The following INPP5B variants were observed in gnomAD, a reference collection of about 807,000 sequenced individuals.
INPP5B encodes the protein inositol polyphosphate-5-phosphatase B.
A neutral mutation model predicts 118.5 loss-of-function variants in INPP5B; 90 were observed. That is an observed-to-expected ratio of 0.76 (90% CI 0.64 to 0.90). The LOEUF (loss-of-function observed/expected upper bound fraction) is 0.90, where lower values mean the gene tolerates loss of function less well. Ranked by LOEUF, INPP5B falls within the 40% of genes least tolerant of loss-of-function variation. The pLI is 0.00. For synonymous variants in INPP5B, 385 were observed against 418.9 expected, an observed-to-expected ratio of 0.92 and a Z score of 0.99; for missense variants, 984 against 1,125.6, an observed-to-expected ratio of 0.87 and a Z score of 1.80.
intron 11 of INPP5B, 77 bp downstream of exon 11, chr1:37,887,274 T>C (rs1643598934): frequency 2.1e-6 from 2 of 948,678 alleles, no homozygotes. Context: ...ATAAAGGTCA[T>C]GGAAAAGGTG....
chr1:37,898,381 CCA>C (rs531867392), intron 7 of INPP5B, among the ~76,000 whole-genome samples: 90 of 152,178 alleles, frequency 5.9e-4, no homozygotes, highest in African/African-American at 2.0e-3. Context: ...CTTTCAAAAC[CCA>C]CAGATTTTTA....
chr1:37,878,187 C>A lies in INPP5B; in HGVS notation c.1677+1G>T. 1 of 1,613,946 alleles carries A rather than the reference C, an allele frequency of 6.2e-7. No homozygotes were observed. The highest frequency in any genetic ancestry group is 1.7e-4 in the Middle Eastern group (1 of 6,060). ...TACAACAGGTACCAGCTGCCACCTA[C>A]CCCGATGTCAAACACTGAGCTGACA... On this transcript the variant is annotated splice_donor_variant, in intron 16 of 23. Coordinates refer to ENST00000373024, the MANE Select transcript of INPP5B (RefSeq NM_005540.3). LOFTEE classifies it high-confidence loss of function.
chr1:37,913,321 C>G (rs1371177040), intron 7 of INPP5B, among the ~76,000 whole-genome samples: 1 of 150,678 alleles, frequency 6.6e-6, no homozygotes, highest in Non-Finnish European at 1.5e-5. Flanking sequence ...TTACCTAAAT[C>G]AATCTGGCCT....
intron 7 of INPP5B, among the ~76,000 whole-genome samples, chr1:37,915,670 C>T (rs1275579501): frequency 6.6e-6 from 1 of 152,210 alleles, no homozygotes; most frequent in African/African-American, 2.4e-5. Context: ...CAGACACAGA[C>T]ACATGGAAAG....
intron 7 of INPP5B, among the ~76,000 whole-genome samples, chr1:37,896,161 T>C (rs1470574872): frequency 1.4e-5 from 2 of 141,986 alleles, no homozygotes; most frequent in African/African-American, 5.4e-5. Context: ...ACCTCTGCCC[T>C]GCCGCCCCGT....
intron 7 of INPP5B, among the ~76,000 whole-genome samples, chr1:37,896,297 T>C (rs1205629079): frequency 1.4e-5 from 2 of 140,948 alleles, no homozygotes; most frequent in African/African-American, 5.3e-5. Flanking sequence ...GTCTGAGAAG[T>C]GAGGAGACCC....
chr1:37,891,826 T>C (rs1050347945), intron 7 of INPP5B, among the ~76,000 whole-genome samples: 2 of 152,202 alleles, frequency 1.3e-5, no homozygotes, highest in African/African-American at 4.8e-5. Flanking sequence ...ACATATGCTT[T>C]AATATACAGA....
intron 14 of INPP5B, among the ~76,000 whole-genome samples, chr1:37,882,148 G>A (rs1240078071): frequency 6.6e-6 from 1 of 150,784 alleles, no homozygotes; most frequent in Admixed American, 6.6e-5. Flanking sequence ...ACAATACTAA[G>A]GTTACTAAAA....
At chr1:37,906,343 C>T (rs545513768) in intron 7 of INPP5B, among the ~76,000 whole-genome samples, 1 of 152,168 alleles carries the variant, frequency 6.6e-6, no homozygotes, top group African/African-American at 2.4e-5. Context: ...AGGATACAAA[C>T]CCATGGCTGG....
chr1:37,899,367 C>G (rs111241840), intron 7 of INPP5B, among the ~76,000 whole-genome samples: 1 of 151,360 alleles, frequency 6.6e-6, no homozygotes, highest in African/African-American at 2.4e-5. Context: ...AGTTCGAGAC[C>G]AGCCTGACCA....
rs767409289 is a variant in INPP5B at position 37,885,667 on chromosome 1, G to A, written c.1290C>T (p.Ser430=). Residue 430 remains serine, a synonymous_variant, in exon 13 of 24, where the codon AGC becomes AGT. Coordinates refer to ENST00000373024, the MANE Select transcript of INPP5B (RefSeq NM_005540.3). ...SRMQFCQPDP[S]LPPLTISNHD... ...GGTTGCTGATGGTGAGAGGGGGAAG[G>A]CTTGGGTCAGGCTGACAAAACTGCA... The A allele has an allele frequency of 6.2e-7, 1 of 1,613,948 alleles. No individual in the cohort carries two copies. Among genetic ancestry groups the A allele is most frequent in the Non-Finnish European group, 8.5e-7 (1 of 1,179,994 alleles).
At chr1:37,871,156 A>C (rs1642398716) in intron 19 of INPP5B, among the ~76,000 whole-genome samples, 1 of 66,630 alleles carries the variant, frequency 1.5e-5, no homozygotes, top group Non-Finnish European at 3.3e-5. Context: ...AGACTGTCTC[A>C]AAAAAAAAAA....
chr1:37,938,920 G>A (rs1453279414), intron 6 of INPP5B, among the ~76,000 whole-genome samples: 1 of 152,026 alleles, frequency 6.6e-6, no homozygotes, highest in Non-Finnish European at 1.5e-5. Flanking sequence ...TATGCTGGGT[G>A]TGGTGGCTCA....
chr1:37,877,596 T>G (rs1366142952), intron 16 of INPP5B, among the ~76,000 whole-genome samples: 1 of 152,242 alleles, frequency 6.6e-6, no homozygotes, highest in South Asian at 2.1e-4. Context: ...TTTGAACCGC[T>G]AATTTCATCT....
intron 7 of INPP5B, among the ~76,000 whole-genome samples, chr1:37,921,637 A>G (rs1436334054): frequency 1.3e-5 from 2 of 152,204 alleles, no homozygotes; most frequent in African/African-American, 4.8e-5. Context: ...ACCTGAGGTC[A>G]GGAGTTCGAG....
intron 13 of INPP5B, chr1:37,883,894 T>C (rs1383030260): frequency 2.1e-6 from 2 of 966,502 alleles, no homozygotes; most frequent in Non-Finnish European, 2.5e-6. Flanking sequence ...GCGTATGTTA[T>C]CATAAAGTCT....
chr1:37,919,861 T>C (rs1040381542), intron 7 of INPP5B, among the ~76,000 whole-genome samples: 7 of 152,058 alleles, frequency 4.6e-5, no homozygotes, highest in African/African-American at 1.4e-4. Flanking sequence ...AAGAATCACT[T>C]GACCCAGGAG....
chr1:37,939,992 C>T (rs1645855162), intron 6 of INPP5B, among the ~76,000 whole-genome samples: 1 of 152,100 alleles, frequency 6.6e-6, no homozygotes, highest in South Asian at 2.1e-4. Flanking sequence ...TAAAGTGAAG[C>T]CCCTGGAGGC....
At chr1:37,940,662 C>G in intron 6 of INPP5B, 26 bp downstream of exon 6, 1 of 1,457,062 alleles carries the variant, frequency 6.9e-7, no homozygotes. Flanking sequence ...CCCACCCACC[C>G]CCAGGGAGCC....
Sources: gnomAD v4.1 joint callset for allele counts (sites outside exome capture counted in the v4.1 genomes callset) on GRCh38, gnomAD v4.1.1 for gene constraint, MANE v1.5 for transcripts, NCBI Gene and HGNC (gene_info 2026-07-23, HGNC 2026-07-21) for gene names.